The following TPST2 variants were observed in gnomAD, a reference collection of about 807,000 sequenced individuals.
The protein encoded by TPST2 is protein-tyrosine sulfotransferase 2.
In TPST2, 16 loss-of-function variants were observed where a neutral mutation model predicts 27.8. That is an observed-to-expected ratio of 0.58 (90% CI 0.39 to 0.88). The LOEUF is 0.88. TPST2 is among the 40% of genes least tolerant of loss of function. TPST2 has a pLI of 0.00. For missense variants in TPST2, 464 were observed against 543.1 expected (o/e 0.85, Z 1.45); for synonymous variants, 229 against 231.7 (o/e 0.99, Z 0.10).
chr22:26,546,628 A>G (rs750574475), intron 1 of TPST2, among the ~76,000 whole-genome samples: 44 of 152,258 alleles, frequency 2.9e-4, no homozygotes, highest in African/African-American at 9.9e-4. Flanking sequence ...TCCAACATGC[A>G]GCTACCAGCC....
chr22:26,540,997 T>G lies in TPST2; in HGVS notation c.634A>C (p.Thr212Pro), dbSNP rs1224046189. The change falls in exon 3 of 7, where the codon ACC (threonine) becomes CCC (proline). Residue 212 changes from threonine (T) to proline (P), a missense_variant. By Grantham distance (38) the Thr-to-Pro change is conservative. Coordinates refer to ENST00000338754, the MANE Select transcript of TPST2 (RefSeq NM_003595.5). ...ACCTCGATGGCCTTGTTCCACTTGGTGAGGCAGTCACGGTAGCTGCTGAGG... is the reference window on the plus strand; with the variant it reads ...ACCTCGATGGCCTTGTTCCACTTGGGGAGGCAGTCACGGTAGCTGCTGAGG... ...FDLSSYRDCL[T>P]KWNKAIEVMY... The G allele has an allele frequency of 1.2e-6, 2 of 1,614,158 alleles. No individual in the cohort carries two copies. Among genetic ancestry groups the G allele is most frequent in the Admixed American group, 1.7e-5 (1 of 60,026 alleles).
intron 1 of TPST2, among the ~76,000 whole-genome samples, chr22:26,568,214 C>T (rs993532454): frequency 6.6e-6 from 1 of 152,200 alleles, no homozygotes; most frequent in African/African-American, 2.4e-5. Flanking sequence ...CAGATATATA[C>T]TAAACAGCCA....
intron 2 of TPST2, among the ~76,000 whole-genome samples, chr22:26,542,221 G>A (rs1293212692): frequency 5.5e-5 from 8 of 145,060 alleles, no homozygotes; most frequent in Admixed American, 2.8e-4. Flanking sequence ...CAGCGTGGGC[G>A]ACAGAGCGAG....
At chr22:26,572,291 G>T (rs995887681) in intron 1 of TPST2, among the ~76,000 whole-genome samples, 1 of 152,160 alleles carries the variant, frequency 6.6e-6, no homozygotes, top group Non-Finnish European at 1.5e-5. Flanking sequence ...GGGAGGCTAA[G>T]CAAGTAGGGT....
chr22:26,548,777 C>A lies in TPST2; in HGVS notation c.-160-4102G>T, dbSNP rs138207805. Among the ~76,000 whole-genome samples the A allele has an allele frequency of 3.4e-3, 514 of 149,974 alleles. 14 individuals are homozygous for A. The East Asian group carries it at 0.067, about 19-fold the overall frequency. On this transcript the variant is annotated intron_variant, in intron 1 of 6. Transcript: ENST00000338754. ...AGGAGTTTGAGACCAGCCTGGGCAA[C>A]AAAGTGAGACCCCATCACTACAAAA... is the stretch of plus-strand genomic sequence containing the variant.
At chr22:26,583,975 G>T (rs954024763) in intron 1 of TPST2, among the ~76,000 whole-genome samples, 1 of 152,234 alleles carries the variant, frequency 6.6e-6, no homozygotes, top group South Asian at 2.1e-4. Flanking sequence ...CAGTGACTGG[G>T]AGAGTCCAGG....
chr22:26,588,059 T>C (rs1372593682), intron 1 of TPST2, among the ~76,000 whole-genome samples: 2 of 152,306 alleles, frequency 1.3e-5, no homozygotes, highest in South Asian at 4.1e-4. Flanking sequence ...CAAAGACCTG[T>C]ACATGAATGT....
intron 3 of TPST2, 23 bp downstream of exon 3, chr22:26,540,766 G>C (rs2147187703): frequency 6.5e-7 from 1 of 1,543,332 alleles, no homozygotes; most frequent in South Asian, 1.2e-5. Context: ...AGTCTGAGTG[G>C]AAGCATCAGG....
In TPST2 at chr22:26,541,771, C is replaced by G. The variant is rs1925857220; in HGVS notation, c.-88-53G>C. The G allele has an allele frequency of 9.9e-6, 14 of 1,409,928 alleles. No homozygotes were observed. The South Asian group carries it at 2.1e-4, about 21-fold the overall frequency. The allele number at this position is 1,409,928 out of a possible 1,614,324, so 87.3% of individuals were successfully genotyped here. A position where few individuals can be genotyped will look rare whatever the true frequency, so the allele number is the denominator to read the frequency against. On this transcript the variant is annotated intron_variant, in intron 2 of 6. Transcript: ENST00000338754. The surrounding 1 kb of genome is among the most constrained non-coding windows in gnomAD (Gnocchi z 5.9). ...CAGGGAGGTCTGTGAGCTGTGAGCTCTCCAATAACTGCAAAGCCCTATAAC... is the reference window on the plus strand; with the variant it reads ...CAGGGAGGTCTGTGAGCTGTGAGCTGTCCAATAACTGCAAAGCCCTATAAC...
At chr22:26,536,977 G>C (rs554139859) in intron 3 of TPST2, among the ~76,000 whole-genome samples, 1 of 152,194 alleles carries the variant, frequency 6.6e-6, no homozygotes, top group East Asian at 1.9e-4. Flanking sequence ...TTGAGCCCGG[G>C]AGGTTGAAGA....
Position 26,531,921 on chromosome 22 carries a change from A to G in TPST2, c.1092+774T>C, listed in dbSNP as rs142498679. On this transcript the variant is annotated intron_variant, in intron 5 of 6. Coordinates refer to ENST00000338754, the MANE Select transcript of TPST2 (RefSeq NM_003595.5). ...CTTTACTAACTGCTACCTGTTTATT[A>G]TAAATAATACAACTCAAGCTTGGAC... Among the ~76,000 whole-genome samples, 168 of 152,304 alleles carry G rather than the reference A, an allele frequency of 1.1e-3. 1 individual carries two copies. The highest frequency in any genetic ancestry group is 3.8e-3 in the African/African-American group (159 of 41,570).
intron 1 of TPST2, among the ~76,000 whole-genome samples, chr22:26,562,404 T>G (rs910579612): frequency 3.3e-5 from 5 of 152,166 alleles, no homozygotes; most frequent in Non-Finnish European, 5.9e-5. Context: ...CACTAAACCC[T>G]CACAGCTCTA....
At chr22:26,570,107 A>T (rs905856172) in intron 1 of TPST2, among the ~76,000 whole-genome samples, 22 of 152,162 alleles carry the variant, frequency 1.4e-4, no homozygotes, top group African/African-American at 5.3e-4. Flanking sequence ...AAAAAAATTA[A>T]TTAATCACAC....
intron 6 of TPST2, among the ~76,000 whole-genome samples, chr22:26,527,521 C>G (rs4149484): frequency 0.12 from 15,845 of 134,362 alleles, 1,332 homozygotes; most frequent in South Asian, 0.33. Flanking sequence ...TTTGAATTAC[C>G]AAGTTCAAAA....
In TPST2 at chr22:26,532,515, G is replaced by A. The variant is rs562270546; in HGVS notation, c.1092+180C>T. Among the ~76,000 whole-genome samples the A allele has an allele frequency of 7.6e-4, 116 of 152,224 alleles. 1 individual carries two copies. Among genetic ancestry groups the A allele is most frequent in the Middle Eastern group, 6.8e-3 (2 of 294 alleles). ...AGGCTGGTCTTGAACTCCTGACCTC[G>A]TGATCTGCCTGCCTTGGCCTCCCAA... On this transcript the variant is annotated intron_variant, in intron 5 of 6. Transcript: ENST00000338754.
At chr22:26,572,835 G>C (rs1303835938) in intron 1 of TPST2, among the ~76,000 whole-genome samples, 2 of 151,736 alleles carry the variant, frequency 1.3e-5, no homozygotes, top group East Asian at 1.9e-4. Flanking sequence ...CTGACACTGA[G>C]AGGCATTCAC....
chr22:26,574,823 C>A (rs1927768009), intron 1 of TPST2, among the ~76,000 whole-genome samples: 1 of 152,178 alleles, frequency 6.6e-6, no homozygotes, highest in African/African-American at 2.4e-5. Context: ...TCCAGCCCCG[C>A]CAGGGACTTG....
chr22:26,562,365 C>T (rs5761603), intron 1 of TPST2, among the ~76,000 whole-genome samples: 41,646 of 152,120 alleles, frequency 0.27, 6,256 homozygotes, highest in South Asian at 0.41. Flanking sequence ...GAGCCAGACA[C>T]TGTGCTGAAC....
intron 1 of TPST2, among the ~76,000 whole-genome samples, chr22:26,573,071 G>C (rs1257420346): frequency 2.6e-5 from 4 of 152,072 alleles, no homozygotes; most frequent in African/African-American, 9.7e-5. Context: ...CCATATTAGA[G>C]CTGGTTAAGT....
Sources: allele counts gnomAD v4.1 joint callset (sites outside exome capture counted in the v4.1 genomes callset), GRCh38; gene constraint gnomAD v4.1.1; non-coding constraint Gnocchi (gnomAD v3.1); transcripts MANE v1.5; gene names NCBI Gene and HGNC (gene_info 2026-07-23, HGNC 2026-07-21).